Variants in RAD51B observed in about 807,000 individuals in gnomAD.
RAD51B encodes the protein RAD51 paralog B, also known as DNA repair protein RAD51 homolog 2.
In RAD51B, 38 loss-of-function variants were observed where a neutral mutation model predicts 42.2. The observed-to-expected ratio is 0.90, with a 90% CI of 0.70 to 1.18. RAD51B has a LOEUF of 1.18. RAD51B is among the 50% of genes most tolerant of loss of function. The probability of loss-of-function intolerance (pLI) is 0.00; values close to 1 mark genes in which losing one functional copy is unlikely to be tolerated. For synonymous variants in RAD51B, 154 were observed against 145.2 expected, an observed-to-expected ratio of 1.06 and a Z score of -0.43; for missense variants, 373 against 400.7, an observed-to-expected ratio of 0.93 and a Z score of 0.59.
intron 10 of RAD51B, among the ~76,000 whole-genome samples, chr14:68,502,586 C>T (rs1885000161): frequency 6.6e-6 from 1 of 152,228 alleles, no homozygotes; most frequent in Non-Finnish European, 1.5e-5. Context: ...AGACCACCCA[C>T]CTGATGAGTG....
At chr14:68,383,573 C>A (rs143783063) in intron 8 of RAD51B, among the ~76,000 whole-genome samples, 1 of 152,076 alleles carries the variant, frequency 6.6e-6, no homozygotes, top group Non-Finnish European at 1.5e-5. Context: ...GAGGTTGTGA[C>A]TAGTTACTTC....
chr14:67,908,094 T>C (rs2043838206), intron 7 of RAD51B, among the ~76,000 whole-genome samples: 1 of 152,236 alleles, frequency 6.6e-6, no homozygotes, highest in Non-Finnish European at 1.5e-5. Flanking sequence ...TTTTGTTTTT[T>C]AAAACCAATC....
chr14:68,040,456 ATAGTT>A (rs1249772755), intron 7 of RAD51B, among the ~76,000 whole-genome samples: 3 of 152,326 alleles, frequency 2.0e-5, no homozygotes, highest in South Asian at 4.1e-4. Flanking sequence ...GTTTAAGGTA[ATAGTT>A]ATGTTTTTTC....
At chr14:68,473,450 G>A (rs1489737354) in intron 10 of RAD51B, among the ~76,000 whole-genome samples, 1 of 152,180 alleles carries the variant, frequency 6.6e-6, no homozygotes, top group Non-Finnish European at 1.5e-5. Flanking sequence ...GGAAGGACTC[G>A]TATCTGTTCA....
rs778349007 is a variant in RAD51B at position 68,497,185 on chromosome 14, C to T, written c.1036+28935C>T. On this transcript the variant is annotated intron_variant, in intron 10 of 10. Coordinates refer to the RAD51B transcript ENST00000487270. ...CCTGTTCATCTTGCCAAGAAAAATC[C>T]GCTTTTCTGCCACAGAAACAAAATA... is the stretch of plus-strand genomic sequence containing the variant. The T allele has an allele frequency of 2.5e-5, 35 of 1,390,466 alleles. No individual in the cohort carries two copies. The East Asian group carries it at 5.6e-4, about 22-fold the overall frequency. 86.1% of individuals were successfully genotyped at this position (1,390,466 alleles called of 1,614,324 possible).
rs34774624 is a variant in RAD51B at position 68,356,982 on chromosome 14, C to CAAAA, written c.854-54424_854-54421dup. Among the ~76,000 whole-genome samples the CAAAA allele has an allele frequency of 5.9e-3, 539 of 91,468 alleles. 12 individuals carry two copies. Among genetic ancestry groups the CAAAA allele is most frequent in the East Asian group, 0.018 (52 of 2,938 alleles). The allele number at this position is 91,468 out of a possible 152,430, so 60.0% of individuals were successfully genotyped here. ...TGGGCGACAGAGCGAGACTCCGTCT[C>CAAAA]AAAAAAAAAAAAAAAAAAAAATGAC... On this transcript the variant is annotated intron_variant, in intron 8 of 10. Transcript: ENST00000471583.
chr14:68,198,904 C>T (rs1269114272), intron 7 of RAD51B, among the ~76,000 whole-genome samples: 1 of 152,144 alleles, frequency 6.6e-6, no homozygotes, highest in East Asian at 1.9e-4. Context: ...CACCCTATTC[C>T]ATTTGGGGAC....
intron 10 of RAD51B, among the ~76,000 whole-genome samples, chr14:68,554,998 G>A (rs1179030021): frequency 6.6e-6 from 1 of 151,974 alleles, no homozygotes; most frequent in Admixed American, 6.6e-5. Flanking sequence ...ATAGGCACCT[G>A]CCACCACACC....
At chr14:68,523,287 C>T (rs1886706849) in intron 10 of RAD51B, among the ~76,000 whole-genome samples, 1 of 152,206 alleles carries the variant, frequency 6.6e-6, no homozygotes, top group East Asian at 1.9e-4. Flanking sequence ...TTTTACAGTC[C>T]CCAAGGAGAG....
intron 9 of RAD51B, among the ~76,000 whole-genome samples, chr14:68,442,088 T>C (rs2085311371): frequency 6.6e-6 from 1 of 152,182 alleles, no homozygotes; most frequent in South Asian, 2.1e-4. Flanking sequence ...ATTTCTACAT[T>C]GCTGGGCAAT....
At chr14:67,912,841 G>A (rs1595098147) in intron 7 of RAD51B, among the ~76,000 whole-genome samples, 2 of 152,124 alleles carry the variant, frequency 1.3e-5, no homozygotes, top group Middle Eastern at 6.8e-3. Context: ...AAGTAGCTGG[G>A]ACTACAGGTG....
intron 8 of RAD51B, among the ~76,000 whole-genome samples, chr14:68,376,522 T>C (rs886723457): frequency 2.0e-5 from 3 of 152,242 alleles, no homozygotes; most frequent in Non-Finnish European, 4.4e-5. Context: ...AATGGTCTGA[T>C]GCCCTCTGTG....
At position 68,662,784 on chromosome 14, in the gene RAD51B, C is replaced by G. The variant is rs1434907725; in HGVS notation, c.*11+11928C>G. On this transcript the variant is annotated intron_variant, in intron 11 of 11. Coordinates refer to the RAD51B transcript ENST00000488612. ...TAAGCCTTCATAAGCCATCCCTTTC[C>G]TTGTAGATGAGAGAAATTAACCCTG... Among the ~76,000 whole-genome samples the G allele has an allele frequency of 3.3e-5, 5 of 152,218 alleles. No homozygotes were observed. In the East Asian group the frequency reaches 9.6e-4, roughly 29 times the overall value.
At chr14:68,542,630 G>T (rs983148402) in intron 10 of RAD51B, among the ~76,000 whole-genome samples, 1 of 152,134 alleles carries the variant, frequency 6.6e-6, no homozygotes, top group African/African-American at 2.4e-5. Context: ...CATAACAATG[G>T]CTGTGAGGAG....
chr14:68,466,607 C>A (rs1348659103), intron 9 of RAD51B, among the ~76,000 whole-genome samples: 1 of 152,218 alleles, frequency 6.6e-6, no homozygotes, highest in Non-Finnish European at 1.5e-5. Context: ...GTTGTCCACA[C>A]CCATTTGCTT....
chr14:68,586,039 G>C (rs1479831798), intron 10 of RAD51B, among the ~76,000 whole-genome samples: 3 of 151,974 alleles, frequency 2.0e-5, no homozygotes, highest in African/African-American at 7.3e-5. Flanking sequence ...ACAGTGAATC[G>C]GCTGCAATCA....
downstream of RAD51B, among the ~76,000 whole-genome samples, chr14:68,599,862 C>T (rs1046946097): frequency 2.0e-5 from 3 of 152,236 alleles, no homozygotes; most frequent in African/African-American, 7.2e-5. Context: ...AATCCTCTTC[C>T]TCCCCAGGGG....
chr14:68,087,893 A>T (rs968078805), intron 7 of RAD51B, among the ~76,000 whole-genome samples: 3 of 117,738 alleles, frequency 2.5e-5, no homozygotes, highest in African/African-American at 1.1e-4. Flanking sequence ...ATTATATAAT[A>T]TATTATTTAT....
chr14:68,440,018 G>A (rs1012845892), intron 9 of RAD51B, among the ~76,000 whole-genome samples: 5 of 152,224 alleles, frequency 3.3e-5, no homozygotes, highest in African/African-American at 1.2e-4. Context: ...CTCTCTCCAG[G>A]AGGGAAAGGA....
Sources: allele counts gnomAD v4.1 joint callset (sites outside exome capture counted in the v4.1 genomes callset), GRCh38; gene constraint gnomAD v4.1.1; transcripts MANE v1.5; gene names NCBI Gene and HGNC (gene_info 2026-07-23, HGNC 2026-07-21).